The following EEF1AKMT1 variants were observed in gnomAD, a reference collection of about 807,000 sequenced individuals.
EEF1AKMT1 encodes the protein EEF1A lysine methyltransferase 1.
Under a neutral mutation model 21.0 loss-of-function variants are expected in EEF1AKMT1, and 18 were observed. The ratio of observed to expected loss-of-function variants is 0.86; its 90% CI spans 0.59 to 1.27. The LOEUF (loss-of-function observed/expected upper bound fraction) is 1.27. Ranked by LOEUF, EEF1AKMT1 falls within the 50% of genes most tolerant of loss-of-function variation. The probability of loss-of-function intolerance (pLI) is 0.00; values close to 1 mark genes in which losing one functional copy is unlikely to be tolerated. For synonymous variants in EEF1AKMT1, 109 were observed against 94.8 expected (o/e 1.15, Z -0.87); for missense variants, 246 against 258.6 (o/e 0.95, Z 0.33).
rs146274752 is a variant in EEF1AKMT1 at position 20,750,577 on chromosome 13, T to G, written c.144+6878A>C. 2.9e-3 allele frequency among the ~76,000 whole-genome samples: 447 copies of G among 152,348 alleles called. 1 individual carries two copies. Among genetic ancestry groups the G allele is most frequent in the African/African-American group, 0.01 (436 of 41,590 alleles). ...CATTGTGTATATACACCACATTTTC[T>G]TTATCCATTAATTTATTGACGGACA... is the stretch of plus-strand genomic sequence containing the variant. On this transcript the variant is annotated intron_variant, in intron 2 of 4. Transcript: ENST00000382758.
chr13:20,732,230 A>C (rs1402622403), intron 3 of EEF1AKMT1, 109 bp from the exon 4 acceptor site: 1 of 1,240,180 alleles, frequency 8.1e-7, no homozygotes, highest in Non-Finnish European at 1.1e-6. Flanking sequence ...AGTTTCTTAC[A>C]GGAAACAATA....
At chr13:20,733,867 T>C (rs1233569292) in intron 3 of EEF1AKMT1, among the ~76,000 whole-genome samples, 5 of 152,242 alleles carry the variant, frequency 3.3e-5, no homozygotes, top group African/African-American at 9.6e-5. Flanking sequence ...TAAAAATGTG[T>C]GACGCATTTC....
At chr13:20,759,641 G>GAA (rs35573791) in intron 1 of EEF1AKMT1, among the ~76,000 whole-genome samples, 19 of 150,648 alleles carry the variant, frequency 1.3e-4, no homozygotes, top group Admixed American at 7.9e-4. Context: ...AAATCAACAA[G>GAA]AAAAAAAAGG....
In EEF1AKMT1 at chr13:20,732,028, T is replaced by C. The variant is rs778209489; in HGVS notation, c.321A>G (p.Arg107=). ...TAAACTCCTCTCCATACATGGCAAA[T>C]CTTTTGTCATATTCAAAGATGTATA... The part of the protein sequence containing the change: ...FSIYIFEYDK[R]FAMYGEEFIF... Residue 107 remains arginine (R), a synonymous_variant, in exon 4 of 5, where the codon AGA becomes AGG. Transcript: ENST00000382758. The C allele has an allele frequency of 4.3e-6, 7 of 1,614,212 alleles. No individual in the cohort carries two copies. The East Asian group carries it at 1.3e-4, about 31-fold the overall frequency.
intron 1 of EEF1AKMT1, among the ~76,000 whole-genome samples, chr13:20,765,207 G>C (rs2059022157): frequency 6.6e-6 from 1 of 151,954 alleles, no homozygotes; most frequent in Non-Finnish European, 1.5e-5. Flanking sequence ...GTTACAGTGA[G>C]CGAGATCGTG....
At chr13:20,738,319 G>T (rs942699793) in intron 2 of EEF1AKMT1, among the ~76,000 whole-genome samples, 1 of 152,186 alleles carries the variant, frequency 6.6e-6, no homozygotes, top group African/African-American at 2.4e-5. Flanking sequence ...TCCCTTGGGG[G>T]CAAGTTTGTT....
intron 2 of EEF1AKMT1, among the ~76,000 whole-genome samples, chr13:20,740,299 C>T (rs1477332323): frequency 6.6e-6 from 1 of 152,228 alleles, no homozygotes; most frequent in Non-Finnish European, 1.5e-5. Context: ...CCAGTTTCCG[C>T]CCACGTCTCT....
rs1157523483 is a variant in EEF1AKMT1, at chr13:20,739,949, G to A, written c.145-2144C>T. On this transcript the variant is annotated intron_variant, in intron 2 of 4. Transcript: ENST00000382758. ...TGTGCCAGTGCTTCTCAGCCCTTGG[G>A]CAGTTGATGCGACTGGGCCCCGCAG... Among the ~76,000 whole-genome samples, 3 of 152,252 alleles carry A rather than the reference G, an allele frequency of 2.0e-5. No individual in the cohort carries two copies. The East Asian group carries it at 5.8e-4, about 29-fold the overall frequency.
At chr13:20,762,851 A>G (rs1195994717) in intron 1 of EEF1AKMT1, among the ~76,000 whole-genome samples, 3 of 152,112 alleles carry the variant, frequency 2.0e-5, no homozygotes, top group African/African-American at 7.2e-5. Flanking sequence ...CATTCCCTTT[A>G]TTAGTAGTTT....
At position 20,728,740 on chromosome 13, in the gene EEF1AKMT1, G is replaced by C. The variant is rs569355109; in HGVS notation, c.*340C>G. On this transcript the variant is annotated 3_prime_UTR_variant, in exon 5 of 5. Transcript: ENST00000382758. ...GGATGCTACCAGACTGCTCTGGCCCGAGGCAGAGGCCAAGGTCCTGTCTCA... is the reference window on the plus strand; with the variant it reads ...GGATGCTACCAGACTGCTCTGGCCCCAGGCAGAGGCCAAGGTCCTGTCTCA... The C allele has an allele frequency of 1.4e-5, 4 of 285,400 alleles. No homozygotes were observed. The East Asian group carries it at 3.4e-4, about 25-fold the overall frequency. 17.7% of individuals were successfully genotyped at this position (285,400 alleles called of 1,614,324 possible).
At chr13:20,748,725 GGTTTTTT>G (rs2058924234) in intron 2 of EEF1AKMT1, among the ~76,000 whole-genome samples, 1 of 68,642 alleles carries the variant, frequency 1.5e-5, no homozygotes, top group African/African-American at 5.6e-5. Context: ...GTTTTTTTTT[GGTTTTTT>G]TTTTTTTTTT....
chr13:20,766,448 G>A (rs1414618949), intron 1 of EEF1AKMT1, among the ~76,000 whole-genome samples: 10 of 152,084 alleles, frequency 6.6e-5, no homozygotes, highest in Admixed American at 3.3e-4. Flanking sequence ...ACATAGCAGT[G>A]AAAACATTTT....
intron 2 of EEF1AKMT1, among the ~76,000 whole-genome samples, chr13:20,751,268 T>C (rs1237154302): frequency 2.0e-5 from 3 of 152,188 alleles, no homozygotes. Flanking sequence ...CTGAAGTGTG[T>C]CCCTTATGTT....
At position 20,737,693 on chromosome 13, in the gene EEF1AKMT1, G is replaced by T. The variant is rs776517864; in HGVS notation, c.227+30C>A. 50 of 1,573,464 alleles carry T rather than the reference G, an allele frequency of 3.2e-5. 1 individual carries two copies. The Middle Eastern group carries it at 6.7e-4, about 21-fold the overall frequency. ...GAAAGACATTCAAAATATTACATTA[G>T]ATGCCAAAAAGAGAAAATTTGAATC... On this transcript the variant is annotated intron_variant, in intron 3 of 4. Transcript: ENST00000382758.
Position 20,737,728 on chromosome 13 carries a change from A to C in EEF1AKMT1, c.222T>G (p.Gly74=), listed in dbSNP as rs764394010. Residue 74 remains glycine, a synonymous_variant, in exon 3 of 5, where the codon GGT becomes GGG. Coordinates refer to ENST00000382758, the MANE Select transcript of EEF1AKMT1 (RefSeq NM_001318939.2). ...AQEAIAAVGE[G]GRIACVSAPS... ...AGAGAAAATTTGAATCTCACCTGCCACCTTCTCCTACAGCTGCAATTGCCT... is the reference window on the plus strand; with the variant it reads ...AGAGAAAATTTGAATCTCACCTGCCCCCTTCTCCTACAGCTGCAATTGCCT... The C allele has an allele frequency of 1.9e-6, 3 of 1,611,944 alleles. No homozygotes were observed. In the African/African-American group the frequency reaches 4.0e-5, roughly 21 times the overall value.
At chr13:20,754,304 A>AC (rs1381508553) in intron 2 of EEF1AKMT1, among the ~76,000 whole-genome samples, 1 of 149,118 alleles carries the variant, frequency 6.7e-6, no homozygotes, top group East Asian at 2.0e-4. Flanking sequence ...TGAATATATC[A>AC]CCCCATTCCC....
At chr13:20,743,007 TTTGAG>T (rs139217787) in intron 2 of EEF1AKMT1, among the ~76,000 whole-genome samples, 14,144 of 152,220 alleles carry the variant, frequency 0.093, 791 homozygotes, top group Non-Finnish European at 0.13. Flanking sequence ...GATTCTTAGT[TTTGAG>T]TTGTTTTTCT....
chr13:20,761,696 A>T (rs1761754580), intron 1 of EEF1AKMT1, among the ~76,000 whole-genome samples: 1 of 152,172 alleles, frequency 6.6e-6, no homozygotes, highest in Non-Finnish European at 1.5e-5. Flanking sequence ...TCCCTGTACT[A>T]TGAGGTTTAC....
At chr13:20,743,094 T>A (rs879754766) in intron 2 of EEF1AKMT1, among the ~76,000 whole-genome samples, 5 of 152,164 alleles carry the variant, frequency 3.3e-5, no homozygotes, top group Admixed American at 6.5e-5. Flanking sequence ...TGAGACAGAG[T>A]CTCACTCTGT....
Sources: allele counts gnomAD v4.1 joint callset (sites outside exome capture counted in the v4.1 genomes callset), GRCh38; gene constraint gnomAD v4.1.1; transcripts MANE v1.5; gene names NCBI Gene and HGNC (gene_info 2026-07-23, HGNC 2026-07-21).